The following CAPN14 variants were observed in gnomAD, a reference collection of about 807,000 sequenced individuals.
CAPN14 encodes calpain 14.
Under a neutral mutation model 101.3 loss-of-function variants are expected in CAPN14, and 94 were observed. The observed-to-expected ratio is 0.93, with a 90% CI of 0.79 to 1.10. CAPN14 has a LOEUF of 1.10. CAPN14 is among the 50% of genes least tolerant of loss of function. CAPN14 has a pLI of 0.00. For synonymous variants in CAPN14, 338 were observed against 317.9 expected, an observed-to-expected ratio of 1.06 and a Z score of -0.67; for missense variants, 837 against 828.4, an observed-to-expected ratio of 1.01 and a Z score of -0.13.
At chr2:31,217,243 T>C (rs989117458) in intron 1 of CAPN14, among the ~76,000 whole-genome samples, 7 of 152,090 alleles carry the variant, frequency 4.6e-5, no homozygotes, top group Admixed American at 3.9e-4. Flanking sequence ...AGGGCTGAAG[T>C]CTATTCCTCA....
chr2:31,184,329 G>T (rs1168667332), intron 16 of CAPN14, among the ~76,000 whole-genome samples: 1 of 152,174 alleles, frequency 6.6e-6, no homozygotes, highest in Non-Finnish European at 1.5e-5. Flanking sequence ...TTCACCTCCA[G>T]AAAAGCATAA....
At chr2:31,216,407 A>T (rs1682646821) in intron 1 of CAPN14, among the ~76,000 whole-genome samples, 1 of 152,114 alleles carries the variant, frequency 6.6e-6, no homozygotes, top group Admixed American at 6.5e-5. Context: ...ACAAGGCTTT[A>T]TTGCATGCTT....
intron 16 of CAPN14, among the ~76,000 whole-genome samples, chr2:31,185,360 C>T (rs187494903): frequency 1.3e-5 from 2 of 152,262 alleles, no homozygotes; most frequent in East Asian, 3.9e-4. Context: ...TTCCAACCCA[C>T]ATTTTATCAT....
At chr2:31,214,700 C>T (rs375542146) in intron 1 of CAPN14, among the ~76,000 whole-genome samples, 13 of 152,248 alleles carry the variant, frequency 8.5e-5, no homozygotes, top group African/African-American at 2.9e-4. Context: ...TGAGACACTG[C>T]ATAGTCACAA....
At position 31,177,052 on chromosome 2, in the gene CAPN14, A is replaced by C. The variant is rs562117174; in HGVS notation, c.1946T>G (p.Leu649Trp). Residue 649 changes from leucine (L) to tryptophan (W), a missense_variant, in exon 20 of 22, where the codon TTG becomes TGG. Physicochemically the swap from Leu to Trp is moderately conservative, Grantham distance 61. Coordinates refer to ENST00000403897, the MANE Select transcript of CAPN14 (RefSeq NM_001145122.2). ...LQMDFVSFIH[L>W]MLRVENMEDV... The stretch of plus-strand genomic sequence containing the variant: ...CTCCATGTTCTCTACACGCAGCATC[A>C]AGTGGATGAAACTGACAAAGTCCAT... 2.7e-4 allele frequency: 425 copies of C among 1,551,432 alleles called. 1 individual carries two copies. Among genetic ancestry groups the C allele is most frequent in the Admixed American group, 1.1e-3 (58 of 51,002 alleles).
intron 1 of CAPN14, among the ~76,000 whole-genome samples, chr2:31,211,278 A>T (rs1682389187): frequency 1.3e-5 from 2 of 151,972 alleles, no homozygotes. Flanking sequence ...GGGTCACAAA[A>T]ATCAGAAAGC....
At chr2:31,228,667 C>T (rs903390448) in intron 1 of CAPN14, among the ~76,000 whole-genome samples, 1 of 152,136 alleles carries the variant, frequency 6.6e-6, no homozygotes, top group African/African-American at 2.4e-5. Context: ...AAGGCAGTGC[C>T]ATGTAGTGGA....
At chr2:31,201,671 A>G (rs1681788258) in intron 5 of CAPN14, among the ~76,000 whole-genome samples, 191 bp downstream of exon 5, 1 of 152,166 alleles carries the variant, frequency 6.6e-6, no homozygotes, top group Non-Finnish European at 1.5e-5. Flanking sequence ...GGGAAAGGCA[A>G]AACTCTTGAA....
rs1257284472 is a variant in CAPN14 at position 31,177,748 on chromosome 2, G to C, written c.1853C>G (p.Ala618Gly). Reference sequence around the variant, plus strand: ...GCTCCAGCTCTTCCTGTGCCTACCTGCCTCCCTCATGGCAGCGTGCAGCTG... The same window carrying C: ...GCTCCAGCTCTTCCTGTGCCTACCTCCCTCCCTCATGGCAGCGTGCAGCTG... ...WEQLHAAMRE[A>G]GIMLSDDVCQ... Residue 618 changes from alanine (A) to glycine (G), a missense_variant and splice_region_variant, in exon 19 of 22, where the codon GCA becomes GGA. Coordinates refer to ENST00000403897, the MANE Select transcript of CAPN14 (RefSeq NM_001145122.2). 3.2e-6 allele frequency: 5 copies of C among 1,550,948 alleles called. No individual in the cohort carries two copies. Among genetic ancestry groups the C allele is most frequent in the African/African-American group, 1.4e-5 (1 of 73,024 alleles).
In CAPN14 at chr2:31,186,887, AGTT is replaced by A. The variant is rs1326655081; in HGVS notation, c.1588-405_1588-403del. Among the ~76,000 whole-genome samples, 6 of 152,364 alleles carry A rather than the reference AGTT, an allele frequency of 3.9e-5. No homozygotes were observed. The East Asian group carries it at 1.2e-3, about 29-fold the overall frequency. ...GGCATATTCATAACATGCAATTTTT[AGTT>A]GTTTTATATAGATTGGGATTCTCTA... On this transcript the variant is annotated intron_variant, in intron 15 of 21. Transcript: ENST00000403897.
chr2:31,189,498 G>A lies in CAPN14; in HGVS notation c.1288-20C>T, dbSNP rs1370395628. Reference sequence around the variant, plus strand: ...ATGGTACTGTGGGTAGAGGACAGAAGAACAGCAAGGGAGGTGATGACCCAG... The same window carrying A: ...ATGGTACTGTGGGTAGAGGACAGAAAAACAGCAAGGGAGGTGATGACCCAG... On this transcript the variant is annotated intron_variant, in intron 12 of 21. Coordinates refer to ENST00000403897, the MANE Select transcript of CAPN14 (RefSeq NM_001145122.2). 2.5e-5 allele frequency: 39 copies of A among 1,539,962 alleles called. No homozygotes were observed. The highest frequency in any genetic ancestry group is 3.4e-5 in the Non-Finnish European group (39 of 1,138,540).
rs1683148785 is a variant in CAPN14, at chr2:31,230,235, G to C, written c.-177+3556C>G. ...TGTGGTATATATTTTATATGAATGT[G>C]GCACATTTATCCATTTACTCGGTGA... On this transcript the variant is annotated intron_variant and NMD_transcript_variant, in intron 1 of 21. Coordinates refer to the CAPN14 transcript ENST00000398824. The surrounding 1 kb of genome is among the most constrained non-coding windows in gnomAD (Gnocchi z 4.3). 6.6e-6 allele frequency among the ~76,000 whole-genome samples: 1 copy of C among 152,052 alleles called. No individual in the cohort carries two copies.
upstream of CAPN14, among the ~76,000 whole-genome samples, chr2:31,217,936 A>G (rs1335730539): frequency 1.3e-5 from 2 of 152,210 alleles, no homozygotes; most frequent in Admixed American, 6.5e-5. Flanking sequence ...AAGTATTTTC[A>G]AGAGGTGGCT....
At chr2:31,209,065 G>C (rs1682254781) in intron 1 of CAPN14, among the ~76,000 whole-genome samples, 1 of 151,834 alleles carries the variant, frequency 6.6e-6, no homozygotes, top group South Asian at 2.1e-4. Context: ...GAACTCCTGG[G>C]CTTAAGGGAT....
intron 2 of CAPN14, 101 bp downstream of exon 2, chr2:31,205,122 T>C (rs904948863): frequency 1.0e-6 from 1 of 983,986 alleles, no homozygotes; most frequent in African/African-American, 1.6e-5. Flanking sequence ...GAGGAGAGAG[T>C]AGGAAAAAGC....
chr2:31,220,518 C>G (rs1307754766), upstream of CAPN14, among the ~76,000 whole-genome samples: 5 of 152,170 alleles, frequency 3.3e-5, no homozygotes, highest in Admixed American at 1.3e-4. Context: ...TGCAGCAGCA[C>G]CAAAGCTTCA....
At chr2:31,214,267 G>A (rs538069030) in intron 1 of CAPN14, among the ~76,000 whole-genome samples, 282 of 152,268 alleles carry the variant, frequency 1.9e-3, no homozygotes, top group Non-Finnish European at 3.0e-3. Flanking sequence ...CCCCTCTTAT[G>A]AAGCTGAACT....
intron 16 of CAPN14, among the ~76,000 whole-genome samples, chr2:31,183,108 G>C (rs1176352571): frequency 6.6e-6 from 1 of 152,074 alleles, no homozygotes; most frequent in African/African-American, 2.4e-5. Flanking sequence ...TTTAATAAAT[G>C]GTGCTGGGAA....
intron 17 of CAPN14, among the ~76,000 whole-genome samples, chr2:31,179,932 A>T (rs1680504401): frequency 6.6e-6 from 1 of 152,226 alleles, no homozygotes; most frequent in East Asian, 1.9e-4. Context: ...ATTTAAATTT[A>T]AAAAATAGTA....
Sources: allele counts gnomAD v4.1 joint callset (sites outside exome capture counted in the v4.1 genomes callset), GRCh38; gene constraint gnomAD v4.1.1; non-coding constraint Gnocchi (gnomAD v3.1); transcripts MANE v1.5; gene names NCBI Gene and HGNC (gene_info 2026-07-23, HGNC 2026-07-21).